The following ADAMTSL3 variants were observed in gnomAD, a reference collection of about 807,000 sequenced individuals.
ADAMTSL3 encodes ADAMTS-like protein 3.
A neutral mutation model predicts 201.7 loss-of-function variants in ADAMTSL3; 128 were observed. That is an observed-to-expected ratio of 0.63 (90% CI 0.55 to 0.73). The LOEUF is 0.73. ADAMTSL3 is among the 30% of genes least tolerant of loss of function. ADAMTSL3 has a pLI of 0.00. For missense variants in ADAMTSL3, 1,990 were observed against 2,119.6 expected, an observed-to-expected ratio of 0.94 and a Z score of 1.20; for synonymous variants, 738 against 748.4, an observed-to-expected ratio of 0.99 and a Z score of 0.23.
intron 6 of ADAMTSL3, among the ~76,000 whole-genome samples, chr15:83,823,171 C>G (rs1249637348): frequency 8.9e-6 from 1 of 112,678 alleles, no homozygotes; most frequent in Non-Finnish European, 1.7e-5. Context: ...GGCTTGGCAT[C>G]AGAGGGAGAC....
chr15:83,699,705 C>G (rs2061741576), intron 2 of ADAMTSL3, among the ~76,000 whole-genome samples: 1 of 152,204 alleles, frequency 6.6e-6, no homozygotes, highest in East Asian at 1.9e-4. Flanking sequence ...GCACTGAATT[C>G]AGCCACACTC....
intron 1 of ADAMTSL3, 57 bp from the exon 2 acceptor site, chr15:83,655,672 G>A (rs957022317): frequency 2.7e-5 from 36 of 1,313,068 alleles, no homozygotes; most frequent in Non-Finnish European, 3.8e-5. Flanking sequence ...CTTAAGTCAC[G>A]GTTTACTGCC....
Position 83,890,159 on chromosome 15 carries a change from G to A in ADAMTSL3, c.1123G>A (p.Val375Ile). The change falls in exon 11 of 30, where the codon GTT becomes ATT. Residue 375 changes from valine to isoleucine, a missense_variant. Physicochemically the swap from Val to Ile is conservative, Grantham distance 29. Transcript: ENST00000286744. The part of the protein sequence containing the change: ...ECVDIRLKRV[V>I]PDHYCHYYPE... Reference sequence around the variant, plus strand: ...TGTGGATATCCGCTTGAAGAGGGTAGTTCCTGACCATTATTGTCACTACTA... The same window carrying A: ...TGTGGATATCCGCTTGAAGAGGGTAATTCCTGACCATTATTGTCACTACTA... The A allele has an allele frequency of 6.2e-7, 1 of 1,613,900 alleles. No individual in the cohort carries two copies. The highest frequency in any genetic ancestry group is 1.6e-4 in the Middle Eastern group (1 of 6,062).
intron 19 of ADAMTSL3, among the ~76,000 whole-genome samples, chr15:83,969,079 C>G (rs559113681): frequency 6.6e-6 from 1 of 152,224 alleles, no homozygotes; most frequent in African/African-American, 2.4e-5. Context: ...GTGCAGCAAA[C>G]CACCATGGCA....
rs2068549619 is a variant in ADAMTSL3 at position 84,038,545 on chromosome 15, C to G, written c.*739C>G. On this transcript the variant is annotated 3_prime_UTR_variant, in exon 30 of 30. Coordinates refer to ENST00000286744, the MANE Select transcript of ADAMTSL3 (RefSeq NM_207517.3). ...TTTTCTACTGATTTCGTAGTATATT[C>G]AGAGCTTTCTTTTAAGAGCTGTGAA... 1 of 152,602 alleles carries G rather than the reference C, an allele frequency of 6.6e-6. No homozygotes were observed. The allele number at this position is 152,602 out of a possible 1,614,324, so 9.5% of individuals were successfully genotyped here. A position where few individuals can be genotyped will look rare whatever the true frequency, so the allele number is the denominator to read the frequency against.
chr15:83,655,508 T>G (rs1389222082), intron 1 of ADAMTSL3, among the ~76,000 whole-genome samples: 3 of 152,184 alleles, frequency 2.0e-5, no homozygotes, highest in African/African-American at 7.2e-5. Flanking sequence ...AGATGCCCAC[T>G]GGAGACAGGT....
In ADAMTSL3 at chr15:83,764,587, C is replaced by A. The variant is rs117402935; in HGVS notation, c.190-8936C>A. 1.8e-3 allele frequency among the ~76,000 whole-genome samples: 266 copies of A among 151,414 alleles called. 3 individuals are homozygous for A. In the East Asian group the frequency reaches 0.057, roughly 32 times the overall value. On this transcript the variant is annotated intron_variant, in intron 3 of 29. Transcript: ENST00000286744. The stretch of plus-strand genomic sequence containing the variant: ...GTGGGCTCTGATTCTCAACCGAAGG[C>A]CTTAGTTCCTCTCAGGCAGCCCTGT...
At chr15:83,741,490 A>C (rs999989830) in intron 3 of ADAMTSL3, among the ~76,000 whole-genome samples, 2 of 152,202 alleles carry the variant, frequency 1.3e-5, no homozygotes, top group African/African-American at 4.8e-5. Context: ...TTTCCTAATG[A>C]ATATCATCCA....
chr15:83,841,136 A>G (rs1025766532), intron 7 of ADAMTSL3, among the ~76,000 whole-genome samples: 1 of 152,240 alleles, frequency 6.6e-6, no homozygotes, highest in Non-Finnish European at 1.5e-5. Flanking sequence ...CCAAGGAGGC[A>G]GGAAACCAAG....
chr15:83,854,951 C>A (rs1742759971), intron 7 of ADAMTSL3, among the ~76,000 whole-genome samples: 1 of 151,974 alleles, frequency 6.6e-6, no homozygotes, highest in African/African-American at 2.4e-5. Flanking sequence ...TGTTCCAAGC[C>A]CACCTTGAAT....
rs1008631901 is a variant in ADAMTSL3, at chr15:83,980,840, G to A, written c.2645-1433G>A. Among the ~76,000 whole-genome samples the A allele has an allele frequency of 9.8e-5, 15 of 152,314 alleles. No homozygotes were observed. In the East Asian group the frequency reaches 2.1e-3, roughly 22 times the overall value. ...CAGCCAGACTTCAAAGGGCTCATGA[G>A]GCGTGCAAGAGGACTTCAGTTATTC... is the stretch of plus-strand genomic sequence containing the variant. On this transcript the variant is annotated intron_variant, in intron 20 of 29. Transcript: ENST00000286744.
In ADAMTSL3 at chr15:83,748,648, T is replaced by C. The variant is rs536834610; in HGVS notation, c.190-24875T>C. ...CTGGGTGACAGAGCAAGACCCTGTC[T>C]CAAAAAAAAAAAAAAAAAAAAAAAT... On this transcript the variant is annotated intron_variant, in intron 3 of 29. Coordinates refer to ENST00000286744, the MANE Select transcript of ADAMTSL3 (RefSeq NM_207517.3). Among the ~76,000 whole-genome samples the C allele has an allele frequency of 2.3e-4, 6 of 25,700 alleles. No homozygotes were observed. The South Asian group carries it at 0.012, about 51-fold the overall frequency. The allele number at this position is 25,700 out of a possible 152,430, so 16.9% of individuals were successfully genotyped here.
chr15:83,942,663 T>C lies in ADAMTSL3; in HGVS notation c.2185T>C (p.Tyr729His), dbSNP rs1473625202. Residue 729 changes from tyrosine (Y) to histidine (H), a missense_variant, in exon 18 of 30, where the codon TAC (tyrosine) becomes CAC (histidine). By Grantham distance (83) the Tyr-to-His change is moderately conservative (BLOSUM62 2). Coordinates refer to ENST00000286744, the MANE Select transcript of ADAMTSL3 (RefSeq NM_207517.3). ...AGTTGGAATTCAGACCCGAGATGTG[T>C]ACTGCCTGCACCCAGGGGAGACCCC... is the stretch of plus-strand genomic sequence containing the variant. ...CGVGIQTRDVYCLHPGETPAP... is the reference protein window; with the variant it reads ...CGVGIQTRDVHCLHPGETPAP... 1 of 1,614,138 alleles carries C rather than the reference T, an allele frequency of 6.2e-7. No individual in the cohort carries two copies. The highest frequency in any genetic ancestry group is 1.1e-5 in the South Asian group (1 of 91,084).
At chr15:83,857,307 G>T (rs2064757673) in intron 7 of ADAMTSL3, among the ~76,000 whole-genome samples, 1 of 152,068 alleles carries the variant, frequency 6.6e-6, no homozygotes, top group Admixed American at 6.6e-5. Context: ...TGTGCACAAA[G>T]GTTTGATTTT....
chr15:83,723,411 A>G lies in ADAMTSL3; in HGVS notation c.189+18903A>G, dbSNP rs138956080. On this transcript the variant is annotated intron_variant, in intron 3 of 29. Transcript: ENST00000286744. ...GCAACATGTATTAAGAACCTCAGAA[A>G]TATCTTTAGTTTTTGACTCAGCAAA... 6.1e-4 allele frequency among the ~76,000 whole-genome samples: 93 copies of G among 152,318 alleles called. 1 individual carries two copies. The East Asian group carries it at 0.015, about 24-fold the overall frequency.
Position 84,029,741 on chromosome 15 carries a change from G to A in ADAMTSL3, c.4657-1594G>A, listed in dbSNP as rs746877709. On this transcript the variant is annotated intron_variant, in intron 27 of 29. Transcript: ENST00000286744. ...AATGGGGAACATGTCTCCAGGGCAC[G>A]TCAGTGGTCTTCACAGCAGCCCCTC... is the stretch of plus-strand genomic sequence containing the variant. Among the ~76,000 whole-genome samples, 27 of 152,188 alleles carry A rather than the reference G, an allele frequency of 1.8e-4. 1 individual carries two copies. The highest frequency in any genetic ancestry group is 1.7e-4 in the African/African-American group (7 of 41,448).
chr15:83,908,301 T>G (rs551847363), intron 15 of ADAMTSL3, among the ~76,000 whole-genome samples: 2 of 152,324 alleles, frequency 1.3e-5, no homozygotes, highest in African/African-American at 4.8e-5. Flanking sequence ...CATAATAATA[T>G]TTCCTGATAC....
chr15:83,858,683 G>A (rs1041501141), intron 7 of ADAMTSL3, 83 bp from the exon 8 acceptor site: 16 of 1,034,504 alleles, frequency 1.5e-5, no homozygotes, highest in African/African-American at 1.1e-4. Flanking sequence ...TTTTGCAGAC[G>A]CCCCCAGTTT....
chr15:83,716,399 C>T (rs962426393), intron 3 of ADAMTSL3, among the ~76,000 whole-genome samples: 7 of 151,616 alleles, frequency 4.6e-5, no homozygotes, highest in East Asian at 1.9e-4. Flanking sequence ...CGCCTGTAAT[C>T]GCAGCTACTC....
Sources: allele counts gnomAD v4.1 joint callset (sites outside exome capture counted in the v4.1 genomes callset), GRCh38; gene constraint gnomAD v4.1.1; transcripts MANE v1.5; gene names NCBI Gene and HGNC (gene_info 2026-07-23, HGNC 2026-07-21).